Variants in CARMIL1 observed in about 807,000 individuals in gnomAD.
CARMIL1 encodes capping protein regulator and myosin 1 linker 1.
A neutral mutation model predicts 177.1 loss-of-function variants in CARMIL1; 90 were observed. The ratio of observed to expected loss-of-function variants is 0.51; its 90% CI spans 0.43 to 0.61. The LOEUF is 0.61. CARMIL1 is among the 20% of genes least tolerant of loss of function. The pLI, the probability that CARMIL1 is intolerant of heterozygous loss-of-function variation, is 0.00. For synonymous variants in CARMIL1, 577 were observed against 606.2 expected, an observed-to-expected ratio of 0.95 and a Z score of 0.71; for missense variants, 1,380 against 1,667.0, an observed-to-expected ratio of 0.83 and a Z score of 3.00.
At chr6:25,614,674 A>G (rs1816756576) in intron 36 of CARMIL1, among the ~76,000 whole-genome samples, 1 of 152,226 alleles carries the variant, frequency 6.6e-6, no homozygotes, top group Non-Finnish European at 1.5e-5. Context: ...TCACTTGATT[A>G]TTAACAAAGC....
intron 2 of CARMIL1, among the ~76,000 whole-genome samples, chr6:25,379,870 A>G (rs1208167111): frequency 6.6e-6 from 1 of 152,134 alleles, no homozygotes; most frequent in Non-Finnish European, 1.5e-5. Flanking sequence ...CATTTACTCA[A>G]TATGTGAAGT....
At chr6:25,429,398 C>T (rs201067120) in intron 4 of CARMIL1, among the ~76,000 whole-genome samples, 10 of 150,282 alleles carry the variant, frequency 6.7e-5, no homozygotes, top group African/African-American at 1.9e-4. Flanking sequence ...CCAGGCGTCT[C>T]CTGTCTTCTG....
intron 12 of CARMIL1, 79 bp from the exon 13 acceptor site, chr6:25,488,403 G>A: frequency 1.0e-6 from 1 of 1,001,204 alleles, no homozygotes; most frequent in South Asian, 1.3e-5. Flanking sequence ...TGATGGAAGT[G>A]TTGGGCCATT....
chr6:25,384,519 G>T (rs148117492), intron 2 of CARMIL1, among the ~76,000 whole-genome samples: 24 of 152,376 alleles, frequency 1.6e-4, no homozygotes, highest in African/African-American at 5.0e-4. Flanking sequence ...TTGGGTGATG[G>T]TTGAGGTTGC....
rs545422112 is a variant in CARMIL1, at chr6:25,554,270, A to T, written c.2592+174A>T. On this transcript the variant is annotated intron_variant, in intron 28 of 36. Coordinates refer to ENST00000329474, the MANE Select transcript of CARMIL1 (RefSeq NM_017640.6). This position sits in a 1 kb window ranked among gnomAD's most constrained non-coding sequence, Gnocchi z 4.6. ...TCTATGTTGCTTCTAGCCATTCTGG[A>T]GCATGTTAGAACTTCTCCAGAGGGA... Among the ~76,000 whole-genome samples the T allele has an allele frequency of 1.4e-3, 216 of 152,240 alleles. No individual in the cohort carries two copies. Among genetic ancestry groups the T allele is most frequent in the South Asian group, 0.014 (68 of 4,820 alleles).
chr6:25,519,989 C>T (rs752835410), intron 22 of CARMIL1, among the ~76,000 whole-genome samples: 15 of 152,108 alleles, frequency 9.9e-5, no homozygotes, highest in Non-Finnish European at 1.5e-4. Context: ...AAATTAAAAA[C>T]AAAACAACAA....
At chr6:25,601,533 T>A (rs983238797) in intron 33 of CARMIL1, among the ~76,000 whole-genome samples, 1 of 152,212 alleles carries the variant, frequency 6.6e-6, no homozygotes, top group Non-Finnish European at 1.5e-5. Flanking sequence ...ATTTTCTAAC[T>A]TATTCCCTTT....
chr6:25,616,266 A>G (rs183509055), intron 36 of CARMIL1, among the ~76,000 whole-genome samples: 37 of 152,312 alleles, frequency 2.4e-4, no homozygotes, highest in Non-Finnish European at 5.0e-4. Flanking sequence ...AATCTTATAA[A>G]TATTTTAAAA....
At chr6:25,572,938 T>A (rs1328884729) in intron 29 of CARMIL1, among the ~76,000 whole-genome samples, 2 of 152,204 alleles carry the variant, frequency 1.3e-5, no homozygotes, top group Non-Finnish European at 2.9e-5. Context: ...ATTTTCTTTT[T>A]GAACAAGTCT....
chr6:25,287,112 A>G (rs898954914), intron 2 of CARMIL1, among the ~76,000 whole-genome samples: 3 of 152,252 alleles, frequency 2.0e-5, no homozygotes, highest in Admixed American at 2.0e-4. Context: ...AGATGTATGA[A>G]GTAACCTCAA....
At chr6:25,601,464 G>T (rs1488657645) in intron 33 of CARMIL1, among the ~76,000 whole-genome samples, 1 of 152,132 alleles carries the variant, frequency 6.6e-6, no homozygotes, top group Non-Finnish European at 1.5e-5. Flanking sequence ...TTGAAGATAG[G>T]TGAACTAACA....
intron 22 of CARMIL1, among the ~76,000 whole-genome samples, chr6:25,518,772 T>TTATATA (rs985380964): frequency 2.0e-5 from 3 of 151,194 alleles, no homozygotes; most frequent in African/African-American, 7.3e-5. Context: ...TCACAGTCGA[T>TTATATA]TATATATGCT....
intron 2 of CARMIL1, chr6:25,383,610 G>T (rs1791823626): frequency 6.6e-6 from 1 of 152,054 alleles, no homozygotes; most frequent in African/African-American, 2.4e-5. Flanking sequence ...TTCTTGCTTT[G>T]GTAGTACATA....
chr6:25,309,465 A>G (rs373196937), intron 2 of CARMIL1, among the ~76,000 whole-genome samples: 12 of 147,432 alleles, frequency 8.1e-5, no homozygotes, highest in African/African-American at 2.8e-4. Flanking sequence ...CTATTACCAG[A>G]ATCAATTTTG....
chr6:25,287,397 AATC>A (rs1781599572), intron 2 of CARMIL1: 1 of 152,232 alleles, frequency 6.6e-6, no homozygotes, highest in South Asian at 2.1e-4. Flanking sequence ...ATCTTCCTAT[AATC>A]ATAATAGCTA....
intron 23 of CARMIL1, among the ~76,000 whole-genome samples, chr6:25,528,429 C>T (rs1807384658): frequency 6.6e-6 from 1 of 152,176 alleles, no homozygotes; most frequent in Non-Finnish European, 1.5e-5. Context: ...TATTTAACTT[C>T]TGAACTGTGG....
At chr6:25,369,109 G>C in intron 2 of CARMIL1, among the ~76,000 whole-genome samples, 1 of 152,162 alleles carries the variant, frequency 6.6e-6, no homozygotes, top group East Asian at 1.9e-4. Flanking sequence ...TCTCCTTTTA[G>C]GCTCAAATTA....
chr6:25,615,966 A>G (rs1166879725), intron 36 of CARMIL1, among the ~76,000 whole-genome samples: 1 of 152,204 alleles, frequency 6.6e-6, no homozygotes, highest in Non-Finnish European at 1.5e-5. Context: ...ATCACGTTCG[A>G]GCCTCTCTGT....
At chr6:25,502,752 G>A (rs1804525881) in intron 17 of CARMIL1, among the ~76,000 whole-genome samples, 1 of 152,154 alleles carries the variant, frequency 6.6e-6, no homozygotes, top group African/African-American at 2.4e-5. Flanking sequence ...TAGGTAAACT[G>A]AGGTTGAAAG....
Sources: gnomAD v4.1 joint callset for allele counts (sites outside exome capture counted in the v4.1 genomes callset) on GRCh38, gnomAD v4.1.1 for gene constraint, Gnocchi (gnomAD v3.1) non-coding constraint, MANE v1.5 for transcripts, NCBI Gene and HGNC (gene_info 2026-07-23, HGNC 2026-07-21) for gene names.